Variants in WDR41 observed in about 807,000 individuals in gnomAD.
The protein encoded by WDR41 is WD repeat-containing protein 41.
In WDR41, 63 loss-of-function variants were observed where a neutral mutation model predicts 69.3. The ratio of observed to expected loss-of-function variants is 0.91; its 90% CI spans 0.74 to 1.12. The LOEUF is 1.12. Among genes scored for constraint, WDR41 ranks in the 50% most tolerant of loss-of-function variants. The probability of loss-of-function intolerance (pLI) is 0.00; values close to 1 mark genes in which losing one functional copy is unlikely to be tolerated. For missense variants in WDR41, 543 were observed against 534.5 expected (o/e 1.02, Z -0.16); for synonymous variants, 185 against 192.1 (o/e 0.96, Z 0.31).
At chr5:77,496,863 C>T (rs335660), upstream of WDR41, among the ~76,000 whole-genome samples, 135,371 of 152,180 alleles carry the variant, frequency 0.89, 60,569 homozygotes, top group East Asian at 0.99. Context: ...TGGAACTTAC[C>T]ACGAAGTTAA....
At chr5:77,567,361 G>A (rs755510939) in intron 1 of WDR41, among the ~76,000 whole-genome samples, 4 of 152,028 alleles carry the variant, frequency 2.6e-5, no homozygotes, top group Non-Finnish European at 4.4e-5. Context: ...TCTTGGGTAG[G>A]TGTCATTAAG....
In WDR41 at chr5:77,489,581, G is replaced by GAAAAAAA; in HGVS notation, c.52-16_52-10dup. The GAAAAAAA allele has an allele frequency of 2.0e-6, 2 of 1,003,258 alleles. No homozygotes were observed. The highest frequency in any genetic ancestry group is 3.2e-5 in the East Asian group (1 of 30,976). 62.1% of individuals were successfully genotyped at this position (1,003,258 alleles called of 1,614,324 possible). The stretch of plus-strand genomic sequence containing the variant: ...GTCTGTAAAGGAGATTTCTTGTATT[G>GAAAAAAA]AAAAAAAAAAAAAAGCAAAAAACAA... On this transcript the variant is annotated splice_polypyrimidine_tract_variant and intron_variant, in intron 1 of 12. Coordinates refer to ENST00000296679, the MANE Select transcript of WDR41 (RefSeq NM_018268.4).
chr5:77,532,491 T>C (rs1802542060), intron 1 of WDR41, among the ~76,000 whole-genome samples: 1 of 152,120 alleles, frequency 6.6e-6, no homozygotes, highest in South Asian at 2.1e-4. Context: ...ACCAAGAGTC[T>C]TGTAAAAGAA....
At chr5:77,492,354 G>C, upstream of WDR41, 1 of 1,223,236 alleles carries the variant, frequency 8.2e-7, no homozygotes, top group Non-Finnish European at 1.1e-6. Context: ...CAGCCCACGG[G>C]CCGAAGGAAT....
At chr5:77,600,237 G>C (rs1453257710) in intron 1 of WDR41, among the ~76,000 whole-genome samples, 1 of 152,044 alleles carries the variant, frequency 6.6e-6, no homozygotes, top group African/African-American at 2.4e-5. Context: ...AAAAATAATA[G>C]CCTTGGTACA....
chr5:77,435,128 T>C (rs1798889967), intron 12 of WDR41, among the ~76,000 whole-genome samples: 1 of 152,126 alleles, frequency 6.6e-6, no homozygotes, highest in South Asian at 2.1e-4. Context: ...CAGTCCATGC[T>C]CACCTCCCAA....
intron 6 of WDR41, among the ~76,000 whole-genome samples, chr5:77,453,058 G>C (rs1020248452): frequency 6.6e-6 from 1 of 152,094 alleles, no homozygotes; most frequent in African/African-American, 2.4e-5. Flanking sequence ...GCAATGTATG[G>C]ATTTAGTTTT....
intron 1 of WDR41, among the ~76,000 whole-genome samples, chr5:77,521,606 C>T (rs1283164652): frequency 6.6e-6 from 1 of 152,168 alleles, no homozygotes; most frequent in African/African-American, 2.4e-5. Context: ...AAAAGGCTCT[C>T]AAAATGGACA....
In WDR41 at chr5:77,614,291, AC is replaced by A. The variant is rs1226358960; in HGVS notation, c.42+6187del. 5.9e-5 allele frequency among the ~76,000 whole-genome samples: 9 copies of A among 151,814 alleles called. No individual in the cohort carries two copies. In the South Asian group the frequency reaches 1.9e-3, roughly 32 times the overall value. On this transcript the variant is annotated intron_variant, in intron 1 of 5. Transcript: ENST00000509971. ...TACCATTTGACCCAGCCATCCCATTACTGGGTATATACCCAAAGGACTATAA... is the reference window on the plus strand; with the variant it reads ...TACCATTTGACCCAGCCATCCCATTATGGGTATATACCCAAAGGACTATAA...
At chr5:77,443,513 A>G (rs1167576716) in intron 8 of WDR41, among the ~76,000 whole-genome samples, 2 of 152,198 alleles carry the variant, frequency 1.3e-5, no homozygotes, top group African/African-American at 4.8e-5. Context: ...CAGACTCTAT[A>G]GAACTTGCTC....
chr5:77,481,077 A>C lies in WDR41; in HGVS notation c.167+8380T>G, dbSNP rs147795122. On this transcript the variant is annotated intron_variant, in intron 2 of 12. Coordinates refer to ENST00000296679, the MANE Select transcript of WDR41 (RefSeq NM_018268.4). ...CGCCCTGTTGCCCAGGCTGGAGTGC[A>C]ATGGCGTGATCTCAGCTCACTGCAA... 7.9e-3 allele frequency among the ~76,000 whole-genome samples: 1,204 copies of C among 151,964 alleles called. 19 individuals carry two copies. Among genetic ancestry groups the C allele is most frequent in the African/African-American group, 0.028 (1,146 of 41,458 alleles).
chr5:77,584,562 T>C (rs1744003351), intron 1 of WDR41, among the ~76,000 whole-genome samples: 2 of 152,052 alleles, frequency 1.3e-5, no homozygotes, highest in South Asian at 4.1e-4. Context: ...GACTTGAAAC[T>C]GAAAAATACA....
At chr5:77,465,880 T>A (rs774077215) in intron 2 of WDR41, among the ~76,000 whole-genome samples, 12 of 152,032 alleles carry the variant, frequency 7.9e-5, no homozygotes, top group Non-Finnish European at 1.5e-4. Flanking sequence ...ACTATTTCAG[T>A]CATGAAATAC....
At chr5:77,500,011 A>G (rs1365564155) in intron 1 of WDR41, among the ~76,000 whole-genome samples, 4 of 152,220 alleles carry the variant, frequency 2.6e-5, no homozygotes, top group African/African-American at 9.7e-5. Flanking sequence ...CAAGTTTCAT[A>G]GTGTCATATT....
chr5:77,524,938 G>A (rs186829497), intron 1 of WDR41, among the ~76,000 whole-genome samples: 19 of 152,244 alleles, frequency 1.2e-4, no homozygotes, highest in African/African-American at 2.9e-4. Flanking sequence ...ATAATGCTTC[G>A]TTTGCCAATT....
intron 1 of WDR41, chr5:77,545,981 C>A: frequency 2.1e-6 from 1 of 486,112 alleles, no homozygotes; most frequent in Non-Finnish European, 3.6e-6. Context: ...CATCCCTGTG[C>A]CCAGGAGCAC....
intron 1 of WDR41, among the ~76,000 whole-genome samples, chr5:77,504,799 T>G (rs546249717): frequency 6.6e-6 from 1 of 152,182 alleles, no homozygotes; most frequent in Non-Finnish European, 1.5e-5. Context: ...ATAGATGCAG[T>G]AAAGGCCTTC....
chr5:77,585,264 T>C (rs1321180829), intron 1 of WDR41, among the ~76,000 whole-genome samples: 1 of 151,950 alleles, frequency 6.6e-6, no homozygotes, highest in East Asian at 1.9e-4. Context: ...AAATCAAAAC[T>C]ACAATGCGAT....
chr5:77,494,056 G>A (rs189098810), upstream of WDR41, among the ~76,000 whole-genome samples: 634 of 152,268 alleles, frequency 4.2e-3, 4 homozygotes, highest in Middle Eastern at 0.014. Context: ...CAATATAGGA[G>A]CAGAGTCTTT....
Sources: allele counts gnomAD v4.1 joint callset (sites outside exome capture counted in the v4.1 genomes callset), GRCh38; gene constraint gnomAD v4.1.1; transcripts MANE v1.5; gene names NCBI Gene and HGNC (gene_info 2026-07-23, HGNC 2026-07-21).